PDZD2: variants seen among roughly 807,000 people sequenced by gnomAD.
PDZD2 encodes the protein PDZ domain-containing protein 2.
PDZD2 carries 90 observed loss-of-function variants against 220.7 expected under a neutral mutation model. The observed-to-expected ratio is 0.41, with a 90% CI of 0.34 to 0.49. PDZD2 has a LOEUF of 0.49. Among genes scored for constraint, PDZD2 ranks in the 20% least tolerant of loss-of-function variants. The pLI is 0.28. For missense variants in PDZD2, 3,174 were observed against 3,608.5 expected (o/e 0.88, Z 3.08); for synonymous variants, 1,375 against 1,450.5 (o/e 0.95, Z 1.18).
chr5:32,095,110 A>T (rs940113812), intron 21 of PDZD2, among the ~76,000 whole-genome samples: 1 of 152,218 alleles, frequency 6.6e-6, no homozygotes, highest in Non-Finnish European at 1.5e-5. Flanking sequence ...GGAGAAGACC[A>T]GACTGTCCAG....
intron 1 of PDZD2, among the ~76,000 whole-genome samples, chr5:31,700,408 T>C (rs1747562249): frequency 6.6e-6 from 1 of 152,002 alleles, no homozygotes; most frequent in Non-Finnish European, 1.5e-5. Context: ...TTCCAGTGGT[T>C]GATGAGGAGT....
At chr5:31,995,868 A>T (rs1347114211) in intron 4 of PDZD2, 150 bp downstream of exon 4, 2 of 726,766 alleles carry the variant, frequency 2.8e-6, no homozygotes, top group African/African-American at 3.5e-5. Context: ...GAAACCAGGC[A>T]AGAGTGGTTC....
chr5:31,752,076 T>TG (rs199922116), intron 1 of PDZD2, among the ~76,000 whole-genome samples: 3,002 of 121,796 alleles, frequency 0.025, 222 homozygotes, highest in African/African-American at 0.088. Context: ...TGGGTTTGTT[T>TG]TTTTTTTTTT....
chr5:32,093,043 G>A lies in PDZD2; in HGVS notation c.7845+19G>A. 7.7e-7 allele frequency: 1 copy of A among 1,295,096 alleles called. No homozygotes were observed. The highest frequency in any genetic ancestry group is 1.1e-6 in the Non-Finnish European group (1 of 892,580). The allele number at this position is 1,295,096 out of a possible 1,614,324, so 80.2% of individuals were successfully genotyped here. On this transcript the variant is annotated intron_variant, in intron 21 of 24. Transcript: ENST00000438447. ...ATCAGAGGTGAGTGAAACACAGAAA[G>A]CTCAGGAACATGAATTGCGGCCGCG...
intron 2 of PDZD2, among the ~76,000 whole-genome samples, chr5:31,836,228 C>CTTTTTTTTT (rs34323361): frequency 3.3e-5 from 4 of 122,170 alleles, no homozygotes; most frequent in Admixed American, 9.3e-5. Context: ...ATTTTATTGG[C>CTTTTTTTTT]TTTTTTTTTT....
chr5:32,067,206 G>A (rs1219558249), intron 14 of PDZD2, among the ~76,000 whole-genome samples: 2 of 152,186 alleles, frequency 1.3e-5, no homozygotes, highest in Non-Finnish European at 2.9e-5. Context: ...TTGCTGCCCA[G>A]TTGGGTTACT....
chr5:31,820,161 G>T (rs1016068554), intron 2 of PDZD2, among the ~76,000 whole-genome samples: 6 of 152,204 alleles, frequency 3.9e-5, no homozygotes, highest in Admixed American at 1.3e-4. Flanking sequence ...TGATATGACT[G>T]GATGTGGCCA....
At chr5:31,914,209 G>A (rs1437819380) in intron 2 of PDZD2, among the ~76,000 whole-genome samples, 1 of 152,198 alleles carries the variant, frequency 6.6e-6, no homozygotes, top group African/African-American at 2.4e-5. Flanking sequence ...AAAGTTTATT[G>A]CATTGTCATT....
At chr5:32,011,621 G>T (rs566405806) in intron 6 of PDZD2, among the ~76,000 whole-genome samples, 2 of 152,250 alleles carry the variant, frequency 1.3e-5, no homozygotes, top group East Asian at 3.9e-4. Flanking sequence ...TGTGGGGTGG[G>T]TGGGTGCCCT....
intron 7 of PDZD2, among the ~76,000 whole-genome samples, chr5:32,039,618 G>A (rs894384018): frequency 5.1e-4 from 77 of 151,870 alleles, no homozygotes; most frequent in African/African-American, 1.8e-3. Flanking sequence ...TCTGGGAAGT[G>A]AGGAGCACCT....
intron 1 of PDZD2, among the ~76,000 whole-genome samples, chr5:31,643,503 A>G (rs1561359273): frequency 6.6e-6 from 1 of 152,306 alleles, no homozygotes; most frequent in East Asian, 1.9e-4. Flanking sequence ...ACTCGGTAAC[A>G]CCTGCATTTG....
intron 2 of PDZD2, among the ~76,000 whole-genome samples, chr5:31,836,137 A>G (rs1450086902): frequency 6.6e-6 from 1 of 152,084 alleles, no homozygotes; most frequent in Non-Finnish European, 1.5e-5. Flanking sequence ...AAATAGAGTG[A>G]AATGTATCTT....
chr5:32,028,684 G>GTTTT (rs1287949594), intron 6 of PDZD2, among the ~76,000 whole-genome samples: 2 of 97,512 alleles, frequency 2.1e-5, no homozygotes, highest in African/African-American at 3.5e-5. Flanking sequence ...TGTTTTTTTT[G>GTTTT]TTTTTTTTTT....
At chr5:31,984,914 A>C (rs928766382) in intron 3 of PDZD2, among the ~76,000 whole-genome samples, 1 of 152,172 alleles carries the variant, frequency 6.6e-6, no homozygotes, top group African/African-American at 2.4e-5. Flanking sequence ...ATTATAGCCA[A>C]ATGTACAATG....
chr5:31,722,490 A>G (rs1159788004), intron 1 of PDZD2, among the ~76,000 whole-genome samples: 1 of 151,918 alleles, frequency 6.6e-6, no homozygotes, highest in East Asian at 1.9e-4. Context: ...TTCTTAATTT[A>G]CAGCAAGCAG....
chr5:31,647,305 C>A (rs550392115), intron 1 of PDZD2, among the ~76,000 whole-genome samples: 1 of 152,334 alleles, frequency 6.6e-6, no homozygotes, highest in African/African-American at 2.4e-5. Context: ...ATTCAGTTCT[C>A]ATAATCTGAT....
intron 6 of PDZD2, among the ~76,000 whole-genome samples, chr5:32,018,157 G>A (rs1260148985): frequency 6.6e-6 from 1 of 152,208 alleles, no homozygotes; most frequent in African/African-American, 2.4e-5. Flanking sequence ...AGCATGAATG[G>A]GCGCAGGGAG....
chr5:31,940,909 C>A (rs1481268519), intron 2 of PDZD2, among the ~76,000 whole-genome samples: 1 of 152,100 alleles, frequency 6.6e-6, no homozygotes, highest in African/African-American at 2.4e-5. Flanking sequence ...GCCCTTTTAA[C>A]AAAAACTTAA....
chr5:31,854,229 G>A (rs1452673469), intron 2 of PDZD2, among the ~76,000 whole-genome samples: 1 of 152,124 alleles, frequency 6.6e-6, no homozygotes, highest in African/African-American at 2.4e-5. Context: ...TAAACAATTC[G>A]GCCTCGTGGG....
Sources: allele counts gnomAD v4.1 joint callset (sites outside exome capture counted in the v4.1 genomes callset), GRCh38; gene constraint gnomAD v4.1.1; transcripts MANE v1.5; gene names NCBI Gene and HGNC (gene_info 2026-07-23, HGNC 2026-07-21).